Variants in SPTAN1 observed in about 807,000 individuals in gnomAD.
SPTAN1 encodes the protein spectrin alpha chain, non-erythrocytic 1.
In SPTAN1, 61 loss-of-function variants were observed where a neutral mutation model predicts 331.3. The observed-to-expected ratio is 0.18, with a 90% CI of 0.15 to 0.23. The LOEUF (loss-of-function observed/expected upper bound fraction) is 0.23, where lower values mean the gene tolerates loss of function less well. SPTAN1 is among the 10% of genes least tolerant of loss of function. The probability of loss-of-function intolerance (pLI) is 1.00; values close to 1 mark genes in which losing one functional copy is unlikely to be tolerated. For missense variants in SPTAN1, 2,043 were observed against 3,147.9 expected (o/e 0.65, Z 8.40); for synonymous variants, 1,153 against 1,173.9 (o/e 0.98, Z 0.36).
chr9:128,614,466 A>G (rs1168171923), intron 40 of SPTAN1, among the ~76,000 whole-genome samples: 1 of 151,844 alleles, frequency 6.6e-6, no homozygotes, highest in Non-Finnish European at 1.5e-5. Flanking sequence ...GCATGTGCCT[A>G]TAAATCCCGG....
chr9:128,568,918 G>A (rs1367461657), intron 3 of SPTAN1, 21 bp downstream of exon 3: 2 of 1,613,676 alleles, frequency 1.2e-6, no homozygotes, highest in Non-Finnish European at 1.7e-6. Flanking sequence ...GTAGCTCGTG[G>A]AGTGGATGGC....
At position 128,615,727 on chromosome 9, in the gene SPTAN1, C is replaced by T. The variant is rs747794736; in HGVS notation, c.5244C>T (p.Asn1748=). 26 of 1,614,110 alleles carry T rather than the reference C, an allele frequency of 1.6e-5. No homozygotes were observed. In the South Asian group the frequency reaches 2.1e-4, roughly 13 times the overall value. The change falls in exon 41 of 57, where the codon AAC becomes AAT. Residue 1748 remains asparagine, a synonymous_variant. Transcript: ENST00000372739. Reference sequence around the variant, plus strand: ...TAAAGGACAAGAGGGACACCATCAACGGGCGCTTCCAGAAGATCAAGAGCA... The same window carrying T: ...TAAAGGACAAGAGGGACACCATCAATGGGCGCTTCCAGAAGATCAAGAGCA... ...SQVKDKRDTI[N]GRFQKIKSMA...
chr9:128,586,829 T>TG (rs1367579451), intron 19 of SPTAN1, among the ~76,000 whole-genome samples: 1 of 151,110 alleles, frequency 6.6e-6, no homozygotes, highest in African/African-American at 2.4e-5. Flanking sequence ...TTTCTTTTTT[T>TG]TTTTCTGAGA....
intron 21 of SPTAN1, among the ~76,000 whole-genome samples, chr9:128,590,569 G>A (rs914052426): frequency 2.3e-4 from 21 of 92,402 alleles, no homozygotes; most frequent in Middle Eastern, 7.5e-3. Flanking sequence ...AAAAAAAAAA[G>A]GGCCAGGCGT....
chr9:128,581,119 T>C, intron 11 of SPTAN1, 60 bp downstream of exon 11: 1 of 1,608,492 alleles, frequency 6.2e-7, no homozygotes, highest in African/African-American at 1.3e-5. Context: ...TTTTGCCTCC[T>C]CGGGTAGTGT....
intron 27 of SPTAN1, among the ~76,000 whole-genome samples, chr9:128,602,200 TGTTTTTTTTGG>T (rs1855243868): frequency 6.6e-6 from 1 of 151,282 alleles, no homozygotes; most frequent in South Asian, 2.1e-4. Context: ...TTTTTTTTTT[TGTTTTTTTTGG>T]GTTTTTTTTG....
chr9:128,563,034 A>G (rs1441477039), intron 1 of SPTAN1, among the ~76,000 whole-genome samples: 1 of 145,940 alleles, frequency 6.9e-6, no homozygotes, highest in Non-Finnish European at 1.5e-5. Flanking sequence ...ATATGTATAT[A>G]TTTTATTACA....
rs140531706 is a variant in SPTAN1 at position 128,629,828 on chromosome 9, G to A, written c.6708-493G>A. On this transcript the variant is annotated intron_variant, in intron 51 of 56. Coordinates refer to ENST00000372739, the MANE Select transcript of SPTAN1 (RefSeq NM_001130438.3). This position sits in a 1 kb window ranked among gnomAD's most constrained non-coding sequence, Gnocchi z 4.9. ...ACTTGTGTCCTTTGTCTGCAGGGTC[G>A]TGCTCTCATTCCCCCTAGAATGGGG... 7.9e-4 allele frequency: 242 copies of A among 305,334 alleles called. No individual in the cohort carries two copies. The highest frequency in any genetic ancestry group is 4.6e-3 in the African/African-American group (214 of 46,184). 18.9% of individuals were successfully genotyped at this position (305,334 alleles called of 1,614,324 possible).
chr9:128,598,301 G>A (rs1394452961), intron 24 of SPTAN1, 99 bp from the exon 25 acceptor site: 1 of 875,142 alleles, frequency 1.1e-6, no homozygotes, highest in African/African-American at 1.7e-5. Flanking sequence ...GGCCTCTGTA[G>A]AAGAATCCTT....
At chr9:128,601,863 A>G (rs556432318) in intron 27 of SPTAN1, among the ~76,000 whole-genome samples, 30 of 152,144 alleles carry the variant, frequency 2.0e-4, no homozygotes, top group Admixed American at 1.3e-3. Flanking sequence ...TCTCCTCATT[A>G]AGTAGATTTC....
At position 128,593,051 on chromosome 9, in the gene SPTAN1, G is replaced by T; in HGVS notation, c.3215+9G>T. On this transcript the variant is annotated intron_variant, in intron 23 of 56. Coordinates refer to ENST00000372739, the MANE Select transcript of SPTAN1 (RefSeq NM_001130438.3). ...AAGCAGGTGGAAGAACTGTGAGTAG[G>T]CTGAGAGTCTTGCAGAGCACCAATG... The T allele has an allele frequency of 6.2e-7, 1 of 1,607,972 alleles. No homozygotes were observed. Among genetic ancestry groups the T allele is most frequent in the Admixed American group, 1.7e-5 (1 of 59,338 alleles).
intron 19 of SPTAN1, 150 bp from the exon 20 acceptor site, chr9:128,587,456 A>G: frequency 1.4e-6 from 1 of 699,476 alleles, no homozygotes; most frequent in Admixed American, 2.1e-5. Flanking sequence ...AACTTTGAAA[A>G]TGATATTAGC....
chr9:128,613,876 C>T (rs1414498013), intron 40 of SPTAN1, among the ~76,000 whole-genome samples: 1 of 151,900 alleles, frequency 6.6e-6, no homozygotes, highest in Non-Finnish European at 1.5e-5. Context: ...GTGGTGGTGG[C>T]TGCCTGTAAT....
intron 45 of SPTAN1, among the ~76,000 whole-genome samples, chr9:128,624,056 C>T (rs1858337889): frequency 7.6e-6 from 1 of 131,424 alleles, no homozygotes; most frequent in Admixed American, 9.3e-5. Context: ...GCATTCCAGC[C>T]TGGGCGACGG....
At chr9:128,588,443 C>T (rs1367998307) in intron 20 of SPTAN1, among the ~76,000 whole-genome samples, 2 of 149,678 alleles carry the variant, frequency 1.3e-5, no homozygotes, top group African/African-American at 4.9e-5. Flanking sequence ...TCCCGAGTAG[C>T]TGGGATTACA....
rs750596137 is a variant in SPTAN1 at position 128,627,801 on chromosome 9, G to C, written c.6690-124G>C. 2 of 1,242,054 alleles carry C rather than the reference G, an allele frequency of 1.6e-6. No homozygotes were observed. Among genetic ancestry groups the C allele is most frequent in the East Asian group, 4.6e-5 (2 of 43,118 alleles). The allele number at this position is 1,242,054 out of a possible 1,614,324, so 76.9% of individuals were successfully genotyped here. A position where few individuals can be genotyped will look rare whatever the true frequency, so the allele number is the denominator to read the frequency against. On this transcript the variant is annotated intron_variant, in intron 50 of 56. Transcript: ENST00000372739. The surrounding 1 kb of genome is among the most constrained non-coding windows in gnomAD (Gnocchi z 4.9). ...GTGACAGACGATGCAGGGTCTGTGCGTTGGGTACTGATGTTCTTGCTTTTG... is the reference window on the plus strand; with the variant it reads ...GTGACAGACGATGCAGGGTCTGTGCCTTGGGTACTGATGTTCTTGCTTTTG...
chr9:128,586,222 G>A lies in SPTAN1; in HGVS notation c.2778+257G>A, dbSNP rs10988049. ...CAGCCTCAAACTCCTGGGCTCAAGCGATCCTCCTGCCTCAGCCTCCCAAGT... is the reference window on the plus strand; with the variant it reads ...CAGCCTCAAACTCCTGGGCTCAAGCAATCCTCCTGCCTCAGCCTCCCAAGT... On this transcript the variant is annotated intron_variant, in intron 19 of 56. Coordinates refer to ENST00000372739, the MANE Select transcript of SPTAN1 (RefSeq NM_001130438.3). Among the ~76,000 whole-genome samples the A allele has an allele frequency of 0.74, 109,083 of 148,380 alleles. 43,342 individuals are homozygous for A. Among genetic ancestry groups the A allele is most frequent in the Non-Finnish European group, 0.9 (60,978 of 67,714 alleles).
chr9:128,591,845 T>G (rs1853579974), intron 22 of SPTAN1, among the ~76,000 whole-genome samples: 1 of 151,828 alleles, frequency 6.6e-6, no homozygotes, highest in South Asian at 2.1e-4. Context: ...TGTTCATGAG[T>G]TTTTCCTAAC....
In SPTAN1 at chr9:128,577,934, C is replaced by T. The variant is rs1463885745; in HGVS notation, c.1086-176C>T. Reference sequence around the variant, plus strand: ...AACCTAAGTTTTAAAGGGTTGATTTCAGCCTTCTCTTGCTTTCCTTCACAG... The same window carrying T: ...AACCTAAGTTTTAAAGGGTTGATTTTAGCCTTCTCTTGCTTTCCTTCACAG... On this transcript the variant is annotated intron_variant, in intron 8 of 56. Coordinates refer to ENST00000372739, the MANE Select transcript of SPTAN1 (RefSeq NM_001130438.3). The surrounding 1 kb of genome is among the most constrained non-coding windows in gnomAD (Gnocchi z 4.2). 6.6e-6 allele frequency among the ~76,000 whole-genome samples: 1 copy of T among 152,216 alleles called. No homozygotes were observed. The highest frequency in any genetic ancestry group is 1.5e-5 in the Non-Finnish European group (1 of 68,044).
Sources: allele counts gnomAD v4.1 joint callset (sites outside exome capture counted in the v4.1 genomes callset), GRCh38; gene constraint gnomAD v4.1.1; non-coding constraint Gnocchi (gnomAD v3.1); transcripts MANE v1.5; gene names NCBI Gene and HGNC (gene_info 2026-07-23, HGNC 2026-07-21).